Variants in BCAR3 observed in about 807,000 individuals in gnomAD.
The protein encoded by BCAR3 is BCAR3 adaptor protein, NSP family member.
Under a neutral mutation model 80.1 loss-of-function variants are expected in BCAR3, and 37 were observed. That is an observed-to-expected ratio of 0.46 (90% CI 0.36 to 0.61). BCAR3 has a LOEUF of 0.61. BCAR3 is among the 20% of genes least tolerant of loss of function. The pLI, the probability that BCAR3 is intolerant of heterozygous loss-of-function variation, is 0.00. For missense variants in BCAR3, 978 were observed against 1,068.2 expected (o/e 0.92, Z 1.18); for synonymous variants, 389 against 418.9 (o/e 0.93, Z 0.87).
intron 6 of BCAR3, among the ~76,000 whole-genome samples, chr1:93,583,292 A>T (rs1673796159): frequency 6.6e-6 from 1 of 152,138 alleles, no homozygotes; most frequent in South Asian, 2.1e-4. Flanking sequence ...TGAATAATGT[A>T]ATCTTGCCCT....
intron 2 of BCAR3, among the ~76,000 whole-genome samples, chr1:93,712,349 T>G (rs749333856): frequency 3.9e-5 from 6 of 152,164 alleles, no homozygotes; most frequent in Non-Finnish European, 5.9e-5. Flanking sequence ...CCATGAGTGG[T>G]ACAATTCCTG....
At chr1:93,607,420 G>A (rs746835486) in intron 3 of BCAR3, among the ~76,000 whole-genome samples, 4 of 152,008 alleles carry the variant, frequency 2.6e-5, no homozygotes, top group Non-Finnish European at 4.4e-5. Flanking sequence ...GAAGGTGGAG[G>A]GAGGAAAATT....
rs866727864 is a variant in BCAR3 at position 93,776,391 on chromosome 1, C to T, written c.-63+69176G>A. On this transcript the variant is annotated intron_variant, in intron 2 of 13. Transcript: ENST00000370244. The stretch of plus-strand genomic sequence containing the variant: ...ACCCCCAAACATGCCATTTTATCTG[C>T]GGAAATGTACTACTGTAAGTTAAAG... Among the ~76,000 whole-genome samples the T allele has an allele frequency of 3.9e-5, 6 of 152,090 alleles. No individual in the cohort carries two copies. The South Asian group carries it at 1.0e-3, about 26-fold the overall frequency.
intron 3 of BCAR3, among the ~76,000 whole-genome samples, chr1:93,612,578 T>C (rs1049332312): frequency 6.6e-6 from 1 of 152,184 alleles, no homozygotes; most frequent in Non-Finnish European, 1.5e-5. Flanking sequence ...GTGGAAGGAC[T>C]TCTATTAGAG....
At chr1:93,763,940 T>G (rs985871980) in intron 2 of BCAR3, among the ~76,000 whole-genome samples, 15 of 152,186 alleles carry the variant, frequency 9.9e-5, no homozygotes, top group African/African-American at 3.6e-4. Context: ...ACACCACTGA[T>G]GGGATCCAGC....
At position 93,582,294 on chromosome 1, in the gene BCAR3, C is replaced by T. The variant is rs577874910; in HGVS notation, c.1686+7G>A. On this transcript the variant is annotated splice_region_variant and intron_variant, in intron 7 of 11. Transcript: ENST00000260502. ...GCCAGAGGAGCACCAGGACCCCCAG[C>T]GCTTACCCTGCAGTCCATGCTCAGT... The T allele has an allele frequency of 2.5e-6, 4 of 1,608,888 alleles. No homozygotes were observed. Among genetic ancestry groups the T allele is most frequent in the East Asian group, 4.5e-5 (2 of 44,808 alleles).
rs530166019 is a variant in BCAR3 at position 93,805,089 on chromosome 1, C to G, written c.-63+40478G>C. On this transcript the variant is annotated intron_variant, in intron 2 of 13. Coordinates refer to the BCAR3 transcript ENST00000370244. ...GATCTTCATCATAACATTGTTTATACATTTGCTACAATTAAACATACAACC... is the reference window on the plus strand; with the variant it reads ...GATCTTCATCATAACATTGTTTATAGATTTGCTACAATTAAACATACAACC... Among the ~76,000 whole-genome samples, 10 of 152,292 alleles carry G rather than the reference C, an allele frequency of 6.6e-5. No individual in the cohort carries two copies. In the East Asian group the frequency reaches 1.9e-3, roughly 29 times the overall value.
intron 3 of BCAR3, among the ~76,000 whole-genome samples, chr1:93,593,619 C>G (rs1674304532): frequency 6.6e-6 from 1 of 152,046 alleles, no homozygotes; most frequent in African/African-American, 2.4e-5. Context: ...AAGCGATCCA[C>G]CCACCTTGGC....
At chr1:93,812,496 G>A (rs984484716) in intron 2 of BCAR3, among the ~76,000 whole-genome samples, 2 of 152,122 alleles carry the variant, frequency 1.3e-5, no homozygotes, top group Admixed American at 6.5e-5. Context: ...CTGCCTTTCT[G>A]CCCACCATTT....
chr1:93,788,459 C>T (rs1653027422), intron 2 of BCAR3, among the ~76,000 whole-genome samples: 2 of 151,984 alleles, frequency 1.3e-5, no homozygotes, highest in East Asian at 3.9e-4. Flanking sequence ...AGGTTTTGTT[C>T]CAAGACTTAG....
At chr1:93,790,572 A>G (rs1437508398) in intron 2 of BCAR3, among the ~76,000 whole-genome samples, 2 of 151,220 alleles carry the variant, frequency 1.3e-5, no homozygotes, top group Non-Finnish European at 2.9e-5. Flanking sequence ...AATTTAAATC[A>G]AATACTGTCT....
At chr1:93,847,169 C>T (rs983846000), upstream of BCAR3, 3 of 203,374 alleles carry the variant, frequency 1.5e-5, no homozygotes, top group East Asian at 3.6e-4. Context: ...AACGGCTGGC[C>T]TGGGCCTGCA....
In BCAR3 at chr1:93,757,005, G is replaced by C. The variant is rs141125125; in HGVS notation, c.-62-50863C>G. On this transcript the variant is annotated intron_variant, in intron 2 of 13. Coordinates refer to the BCAR3 transcript ENST00000370244. ...GGACTGGCCTCTTTGGAGTTAGGGAGGGGTGGGGAGGACCTGCAGGCATGT... is the reference window on the plus strand; with the variant it reads ...GGACTGGCCTCTTTGGAGTTAGGGACGGGTGGGGAGGACCTGCAGGCATGT... Among the ~76,000 whole-genome samples, 621 of 152,314 alleles carry C rather than the reference G, an allele frequency of 4.1e-3. 7 individuals are homozygous for C. Among genetic ancestry groups the C allele is most frequent in the African/African-American group, 0.014 (595 of 41,574 alleles).
chr1:93,583,047 A>G (rs1673784486), intron 6 of BCAR3, 94 bp from the exon 7 acceptor site: 1 of 1,369,188 alleles, frequency 7.3e-7, no homozygotes, highest in African/African-American at 1.4e-5. Flanking sequence ...CCCTCCATTC[A>G]TGCCCTTGGG....
intron 2 of BCAR3, among the ~76,000 whole-genome samples, chr1:93,731,289 G>A (rs958660453): frequency 2.0e-5 from 3 of 152,196 alleles, no homozygotes; most frequent in Admixed American, 2.0e-4. Flanking sequence ...CTAGTATAAT[G>A]TACCAGTATT....
intron 3 of BCAR3, among the ~76,000 whole-genome samples, chr1:93,638,444 T>G (rs2101905584): frequency 6.6e-6 from 1 of 152,332 alleles, no homozygotes. Context: ...CTGGACACAG[T>G]GTAATTGTGT....
chr1:93,626,675 G>A (rs1270643459), intron 3 of BCAR3, among the ~76,000 whole-genome samples: 1 of 152,186 alleles, frequency 6.6e-6, no homozygotes, highest in African/African-American at 2.4e-5. Flanking sequence ...TCAAAGAATT[G>A]AAGAAAAATA....
At chr1:93,773,199 C>T (rs12125652) in intron 2 of BCAR3, among the ~76,000 whole-genome samples, 2 of 151,984 alleles carry the variant, frequency 1.3e-5, no homozygotes, top group South Asian at 4.2e-4. Flanking sequence ...AAGATGCCTG[C>T]GTTTGAATCT....
At chr1:93,790,650 A>G (rs1429989247) in intron 2 of BCAR3, among the ~76,000 whole-genome samples, 1 of 53,324 alleles carries the variant, frequency 1.9e-5, no homozygotes, top group Non-Finnish European at 3.3e-5. Context: ...TTTTTTTCTT[A>G]ATTTTTTTTT....
Sources: gnomAD v4.1 joint callset for allele counts (sites outside exome capture counted in the v4.1 genomes callset) on GRCh38, gnomAD v4.1.1 for gene constraint, MANE v1.5 for transcripts, NCBI Gene and HGNC (gene_info 2026-07-23, HGNC 2026-07-21) for gene names.